The following DENND5B variants were observed in gnomAD, a reference collection of about 807,000 sequenced individuals.
DENND5B encodes the protein DENN domain containing 5B, also known as DENN domain-containing protein 5B.
Under a neutral mutation model 140.6 loss-of-function variants are expected in DENND5B, and 34 were observed. That is an observed-to-expected ratio of 0.24 (90% CI 0.18 to 0.32). DENND5B has a LOEUF of 0.32. DENND5B is among the 10% of genes least tolerant of loss of function. DENND5B has a pLI of 1.00. For synonymous variants in DENND5B, 551 were observed against 562.1 expected (o/e 0.98, Z 0.28); for missense variants, 1,142 against 1,560.2 (o/e 0.73, Z 4.52).
At position 31,588,051 on chromosome 12, in the gene DENND5B, T is replaced by C. The variant is rs182175265; in HGVS notation, c.127+2655A>G. On this transcript the variant is annotated intron_variant, in intron 1 of 20. Transcript: ENST00000389082. ...GCATGAGGCCCTATACAATCTCCCCTGCCCTTTCTCTTTGATCTTACCTAC... is the reference window on the plus strand; with the variant it reads ...GCATGAGGCCCTATACAATCTCCCCCGCCCTTTCTCTTTGATCTTACCTAC... Among the ~76,000 whole-genome samples the C allele has an allele frequency of 2.0e-5, 3 of 152,220 alleles. No individual in the cohort carries two copies. The East Asian group carries it at 5.8e-4, about 29-fold the overall frequency.
chr12:31,466,952 G>C (rs893830924), intron 3 of DENND5B, among the ~76,000 whole-genome samples: 16 of 152,006 alleles, frequency 1.1e-4, no homozygotes, highest in Admixed American at 9.8e-4. Flanking sequence ...ACAGATTTCT[G>C]GCTAATGAGT....
intron 1 of DENND5B, among the ~76,000 whole-genome samples, chr12:31,521,895 A>T (rs749682740): frequency 6.6e-6 from 1 of 152,226 alleles, no homozygotes; most frequent in Non-Finnish European, 1.5e-5. Context: ...TCTGATCATT[A>T]TAATCCCCTG....
chr12:31,516,798 C>T (rs1947673317), intron 1 of DENND5B, among the ~76,000 whole-genome samples: 1 of 152,018 alleles, frequency 6.6e-6, no homozygotes, highest in Non-Finnish European at 1.5e-5. Context: ...TCAGGCTGGG[C>T]CCTGTGGCTC....
chr12:31,531,157 T>A lies in DENND5B; in HGVS notation c.128-35238A>T, dbSNP rs374495878. ...ACACACATTACCTAACACTTTTATA[T>A]CCTACTACGAGTTAATAACTGTTCT... On this transcript the variant is annotated intron_variant, in intron 1 of 20. Coordinates refer to ENST00000389082, the MANE Select transcript of DENND5B (RefSeq NM_144973.4). 6.6e-5 allele frequency among the ~76,000 whole-genome samples: 10 copies of A among 152,306 alleles called. No individual in the cohort carries two copies. In the East Asian group the frequency reaches 1.5e-3, roughly 23 times the overall value.
chr12:31,557,465 A>G (rs1043274603), intron 1 of DENND5B, among the ~76,000 whole-genome samples: 4 of 151,936 alleles, frequency 2.6e-5, no homozygotes, highest in Non-Finnish European at 4.4e-5. Flanking sequence ...TGCAGCCTCA[A>G]CCTCCTGGGC....
intron 8 of DENND5B, among the ~76,000 whole-genome samples, chr12:31,430,770 G>A (rs1943476318): frequency 6.6e-6 from 1 of 152,208 alleles, no homozygotes; most frequent in East Asian, 1.9e-4. Flanking sequence ...TGAGCCCCCA[G>A]TACATATGGG....
chr12:31,415,759 A>T (rs1475193844), intron 11 of DENND5B, among the ~76,000 whole-genome samples: 3 of 151,670 alleles, frequency 2.0e-5, no homozygotes, highest in Non-Finnish European at 4.4e-5. Context: ...GCTCATTTTT[A>T]AAATTTTTTG....
chr12:31,419,865 C>T (rs1942936389), intron 11 of DENND5B, among the ~76,000 whole-genome samples: 1 of 149,016 alleles, frequency 6.7e-6, no homozygotes, highest in African/African-American at 2.5e-5. Flanking sequence ...CCCAGCTATT[C>T]AGGAGGCTGA....
At chr12:31,424,073 G>A (rs544494217) in intron 10 of DENND5B, among the ~76,000 whole-genome samples, 16 of 152,224 alleles carry the variant, frequency 1.1e-4, no homozygotes, top group African/African-American at 3.1e-4. Context: ...GATATATGGA[G>A]TGGCGATAAG....
chr12:31,451,965 C>A lies in DENND5B; in HGVS notation c.1604G>T (p.Arg535Leu). Residue 535 changes from arginine to leucine, a missense_variant, in exon 5 of 21, where the codon CGG becomes CTG. Transcript: ENST00000389082. Reference protein sequence around the residue: ...AQDMESWLTNREQMQNFDKAS... With the variant: ...AQDMESWLTNLEQMQNFDKAS... ...TTTGTCAAAGTTCTGCATCTGTTCC[C>A]GGTTGGTCAGCCAGGATTCCATGTC... is the stretch of plus-strand genomic sequence containing the variant. 6 of 1,613,504 alleles carry A rather than the reference C, an allele frequency of 3.7e-6. No homozygotes were observed. Among genetic ancestry groups the A allele is most frequent in the Non-Finnish European group, 5.1e-6 (6 of 1,179,824 alleles).
intron 1 of DENND5B, among the ~76,000 whole-genome samples, chr12:31,521,301 A>G (rs937338023): frequency 7.7e-6 from 1 of 129,772 alleles, no homozygotes; most frequent in Non-Finnish European, 1.6e-5. Flanking sequence ...CATTCACTTT[A>G]GTACAAAAAA....
intron 1 of DENND5B, among the ~76,000 whole-genome samples, chr12:31,582,354 CTG>C (rs1393363733): frequency 1.3e-5 from 2 of 152,320 alleles, no homozygotes; most frequent in Non-Finnish European, 2.9e-5. Context: ...CAGCTTCTGA[CTG>C]TGCATTCAGC....
intron 3 of DENND5B, among the ~76,000 whole-genome samples, chr12:31,468,632 C>A (rs1298666600): frequency 6.6e-6 from 1 of 151,424 alleles, no homozygotes; most frequent in Non-Finnish European, 1.5e-5. Context: ...CACAGTGAGA[C>A]CCTGTCATTT....
chr12:31,408,624 C>CAAAAAAA (rs33965275), intron 14 of DENND5B, among the ~76,000 whole-genome samples: 3 of 71,960 alleles, frequency 4.2e-5, no homozygotes, highest in Admixed American at 2.0e-4. Flanking sequence ...GAGACTCTAT[C>CAAAAAAA]AAAAAAAAAA....
At chr12:31,538,973 A>G (rs1268384901) in intron 1 of DENND5B, among the ~76,000 whole-genome samples, 2 of 147,148 alleles carry the variant, frequency 1.4e-5, no homozygotes, top group South Asian at 2.1e-4. Context: ...TTTTTTTTTG[A>G]AAAAAAAAAT....
intron 7 of DENND5B, among the ~76,000 whole-genome samples, chr12:31,433,915 A>G (rs1943629836): frequency 6.6e-6 from 1 of 152,178 alleles, no homozygotes; most frequent in Non-Finnish European, 1.5e-5. Flanking sequence ...AGATAATTTG[A>G]GCCCAGGAGT....
intron 2 of DENND5B, among the ~76,000 whole-genome samples, chr12:31,485,261 C>A (rs965311123): frequency 2.0e-5 from 3 of 152,190 alleles, no homozygotes; most frequent in Non-Finnish European, 4.4e-5. Flanking sequence ...GCAGTCATGC[C>A]TCATCCACCA....
chr12:31,402,772 T>G, intron 14 of DENND5B, 129 bp from the exon 15 acceptor site: 1 of 1,138,032 alleles, frequency 8.8e-7, no homozygotes, highest in Non-Finnish European at 1.2e-6. Context: ...GATGTACTTA[T>G]ACGAAAAGTT....
intron 1 of DENND5B, among the ~76,000 whole-genome samples, chr12:31,517,793 C>T (rs1947719606): frequency 6.6e-6 from 1 of 152,140 alleles, no homozygotes; most frequent in Non-Finnish European, 1.5e-5. Flanking sequence ...TGATGAAGGG[C>T]TGGGAAGTGA....
Sources: allele counts gnomAD v4.1 joint callset (sites outside exome capture counted in the v4.1 genomes callset), GRCh38; gene constraint gnomAD v4.1.1; transcripts MANE v1.5; gene names NCBI Gene and HGNC (gene_info 2026-07-23, HGNC 2026-07-21).